Variants in CDH12 observed in about 807,000 individuals in gnomAD.
The protein encoded by CDH12 is cadherin 12.
CDH12 carries 41 observed loss-of-function variants against 74.1 expected under a neutral mutation model. That is an observed-to-expected ratio of 0.55 (90% CI 0.43 to 0.72). The LOEUF (loss-of-function observed/expected upper bound fraction) is 0.72. Ranked by LOEUF, CDH12 falls within the 30% of genes least tolerant of loss-of-function variation. The pLI is 0.00. For missense variants in CDH12, 945 were observed against 977.2 expected (o/e 0.97, Z 0.44); for synonymous variants, 399 against 355.0 (o/e 1.12, Z -1.39).
chr5:21,862,620 A>G (rs1015173265), intron 6 of CDH12, among the ~76,000 whole-genome samples: 10 of 152,190 alleles, frequency 6.6e-5, no homozygotes, highest in African/African-American at 2.2e-4. Flanking sequence ...TCAATGAACA[A>G]TATAAAAAGT....
intron 4 of CDH12, among the ~76,000 whole-genome samples, chr5:22,164,422 C>T (rs1013553832): frequency 1.3e-5 from 2 of 152,192 alleles, no homozygotes; most frequent in African/African-American, 4.8e-5. Context: ...CTCGCTGAAT[C>T]AGGAGCACAG....
chr5:22,180,986 T>G (rs1749614724), intron 4 of CDH12, among the ~76,000 whole-genome samples: 1 of 152,172 alleles, frequency 6.6e-6, no homozygotes, highest in Non-Finnish European at 1.5e-5. Flanking sequence ...CATTGACTAC[T>G]TAACTAAATC....
At chr5:21,968,621 A>G (rs371021499) in intron 6 of CDH12, among the ~76,000 whole-genome samples, 4 of 152,318 alleles carry the variant, frequency 2.6e-5, no homozygotes, top group African/African-American at 7.2e-5. Context: ...GTGGTGGACC[A>G]ATCATCTTTT....
At chr5:22,198,879 T>TTA (rs374370901) in intron 4 of CDH12, among the ~76,000 whole-genome samples, 1 of 150,300 alleles carries the variant, frequency 6.7e-6, no homozygotes, top group East Asian at 2.0e-4. Context: ...CATTTTTTAT[T>TTA]TTTATTTATT....
intron 3 of CDH12, among the ~76,000 whole-genome samples, chr5:22,282,269 C>T (rs1005324374): frequency 7.2e-5 from 11 of 151,920 alleles, no homozygotes; most frequent in Admixed American, 1.3e-4. Context: ...CTTAAACATA[C>T]GACCTAAAAA....
At chr5:22,073,269 A>C (rs980835518) in intron 5 of CDH12, among the ~76,000 whole-genome samples, 5 of 152,152 alleles carry the variant, frequency 3.3e-5, no homozygotes, top group Non-Finnish European at 7.4e-5. Flanking sequence ...TAAACAGTTT[A>C]GATTTAAGAA....
At chr5:22,122,436 A>C (rs1745571786) in intron 4 of CDH12, among the ~76,000 whole-genome samples, 1 of 151,162 alleles carries the variant, frequency 6.6e-6, no homozygotes, top group Admixed American at 6.6e-5. Context: ...AACAAACAAA[A>C]CTCTTTTCCT....
chr5:22,503,046 A>C (rs530067932), intron 2 of CDH12, among the ~76,000 whole-genome samples: 22 of 152,232 alleles, frequency 1.4e-4, no homozygotes, highest in Admixed American at 2.6e-4. Flanking sequence ...TACAGGAAGA[A>C]AAAAAATGCC....
chr5:22,721,554 C>T (rs933320877), intron 1 of CDH12, among the ~76,000 whole-genome samples: 6 of 152,004 alleles, frequency 3.9e-5, no homozygotes, highest in Non-Finnish European at 5.9e-5. Context: ...TATGGACTTT[C>T]GAGTTAATAT....
chr5:22,361,590 A>C (rs1740802481), intron 3 of CDH12, among the ~76,000 whole-genome samples: 1 of 152,198 alleles, frequency 6.6e-6, no homozygotes, highest in Non-Finnish European at 1.5e-5. Flanking sequence ...TTTAAAGTTC[A>C]TATGGAGCCA....
At chr5:22,450,365 C>T (rs1405484897) in intron 2 of CDH12, among the ~76,000 whole-genome samples, 1 of 151,864 alleles carries the variant, frequency 6.6e-6, no homozygotes, top group African/African-American at 2.4e-5. Flanking sequence ...AATATGGATC[C>T]ACCTCCTTTC....
At chr5:22,443,851 G>A (rs1002611683) in intron 2 of CDH12, among the ~76,000 whole-genome samples, 7 of 151,918 alleles carry the variant, frequency 4.6e-5, no homozygotes, top group Non-Finnish European at 1.0e-4. Context: ...TATATTGTAT[G>A]CACACACACA....
chr5:22,804,282 C>T (rs1181531267), intron 1 of CDH12, among the ~76,000 whole-genome samples: 1 of 152,142 alleles, frequency 6.6e-6, no homozygotes, highest in African/African-American at 2.4e-5. Context: ...TTTAATATGA[C>T]TTCTCTCCAC....
rs546586483 is a variant in CDH12, at chr5:22,266,542, T to C, written c.-332-53899A>G. Among the ~76,000 whole-genome samples, 37 of 152,306 alleles carry C rather than the reference T, an allele frequency of 2.4e-4. No homozygotes were observed. In the East Asian group the frequency reaches 3.5e-3, roughly 14 times the overall value. Reference sequence around the variant, plus strand: ...TTTAATAATCACAATATTAGCATTTTTTCTTGTATATCACCACTATATACA... The same window carrying C: ...TTTAATAATCACAATATTAGCATTTCTTCTTGTATATCACCACTATATACA... On this transcript the variant is annotated intron_variant, in intron 3 of 14. Transcript: ENST00000382254.
Position 22,513,951 on chromosome 5 carries a change from G to GAA in CDH12, c.-522-8589_-522-8588dup, listed in dbSNP as rs34448733. ...GCCACATTGTGAGACTCCGTGTCAG[G>GAA]AAAAAAAAAAAAAAAAAATGCACAA... is the stretch of plus-strand genomic sequence containing the variant. On this transcript the variant is annotated intron_variant, in intron 1 of 14. Coordinates refer to ENST00000382254, the MANE Select transcript of CDH12 (RefSeq NM_004061.5). Among the ~76,000 whole-genome samples the GAA allele has an allele frequency of 2.7e-3, 271 of 100,492 alleles. 1 individual carries two copies. Among genetic ancestry groups the GAA allele is most frequent in the African/African-American group, 8.5e-3 (213 of 25,146 alleles). The allele number at this position is 100,492 out of a possible 152,430, so 65.9% of individuals were successfully genotyped here.
chr5:22,151,147 C>T lies in CDH12; in HGVS notation c.-187+61351G>A, dbSNP rs765944516. On this transcript the variant is annotated intron_variant, in intron 4 of 14. Coordinates refer to ENST00000382254, the MANE Select transcript of CDH12 (RefSeq NM_004061.5). ...CACACCCATTTTACTCATGTGGAAA[C>T]CAAGGCACAGGGAGGTTAAATGGCT... is the stretch of plus-strand genomic sequence containing the variant. Among the ~76,000 whole-genome samples the T allele has an allele frequency of 8.5e-5, 13 of 152,108 alleles. 1 individual carries two copies. Among genetic ancestry groups the T allele is most frequent in the Non-Finnish European group, 1.8e-4 (12 of 68,014 alleles).
chr5:22,502,083 G>A (rs1000357169), intron 2 of CDH12, among the ~76,000 whole-genome samples: 3 of 152,082 alleles, frequency 2.0e-5, no homozygotes, highest in African/African-American at 7.2e-5. Flanking sequence ...TAAAATAAAG[G>A]ATTAGTGGAA....
At chr5:22,852,560 A>G (rs1226838430) in intron 1 of CDH12, among the ~76,000 whole-genome samples, 1 of 152,188 alleles carries the variant, frequency 6.6e-6, no homozygotes, top group Non-Finnish European at 1.5e-5. Context: ...CCATTAAAAC[A>G]TTTAAATGGT....
chr5:22,190,354 GTCTGTCTATCTA>G lies in CDH12; in HGVS notation c.-187+22132_-187+22143del, dbSNP rs775961463. On this transcript the variant is annotated intron_variant, in intron 4 of 14. Transcript: ENST00000382254. ...ATTTAATTCATGCCTCCATCTGTCT[GTCTGTCTATCTA>G]TCTATCTATCTATCTATCTATCTAT... Among the ~76,000 whole-genome samples the G allele has an allele frequency of 3.7e-3, 550 of 149,266 alleles. 2 individuals are homozygous for G. Among genetic ancestry groups the G allele is most frequent in the South Asian group, 0.028 (131 of 4,618 alleles).
Sources: gnomAD v4.1 joint callset for allele counts (sites outside exome capture counted in the v4.1 genomes callset) on GRCh38, gnomAD v4.1.1 for gene constraint, MANE v1.5 for transcripts, NCBI Gene and HGNC (gene_info 2026-07-23, HGNC 2026-07-21) for gene names.